The following KCTD1 variants were observed in gnomAD, a reference collection of about 807,000 sequenced individuals.
The protein encoded by KCTD1 is potassium channel tetramerization domain containing 1.
A neutral mutation model predicts 66.0 loss-of-function variants in KCTD1; 24 were observed. The observed-to-expected ratio is 0.36, with a 90% CI of 0.26 to 0.51. KCTD1 has a LOEUF of 0.51. Among genes scored for constraint, KCTD1 ranks in the 20% least tolerant of loss-of-function variants. The pLI, the probability that KCTD1 is intolerant of heterozygous loss-of-function variation, is 0.95. For synonymous variants in KCTD1, 511 were observed against 517.2 expected (o/e 0.99, Z 0.16); for missense variants, 943 against 1,205.2 (o/e 0.78, Z 3.22).
At chr18:26,578,910 G>A (rs1986289737) in intron 1 of KCTD1, among the ~76,000 whole-genome samples, 1 of 152,178 alleles carries the variant, frequency 6.6e-6, no homozygotes, top group South Asian at 2.1e-4. Context: ...TACTTAAGAA[G>A]TGCTCATTAG....
In KCTD1 at chr18:26,547,055, G is replaced by A. The variant is rs1326195457; in HGVS notation, c.1482C>T (p.His494=). ...LNGAARHHSH[H]PPTHPSHHHR... is the part of the protein sequence containing the mutation. The stretch of plus-strand genomic sequence containing the variant: ...GGTGGTGGGAGGGATGGGTGGGGGG[G>A]TGGTGGGAGTGGTGCCGTGCCGCCC... Residue 494 remains histidine, a synonymous_variant, in exon 1 of 5, where the codon CAC becomes CAT. Coordinates refer to ENST00000580059, the MANE Select transcript of KCTD1 (RefSeq NM_001142730.3). 7 of 1,483,780 alleles carry A rather than the reference G, an allele frequency of 4.7e-6. No individual in the cohort carries two copies. The Admixed American group carries it at 8.2e-5, about 17-fold the overall frequency. The allele number at this position is 1,483,780 out of a possible 1,614,324, so 91.9% of individuals were successfully genotyped here. A position where few individuals can be genotyped will look rare whatever the true frequency, so the allele number is the denominator to read the frequency against.
intron 1 of KCTD1, among the ~76,000 whole-genome samples, chr18:26,555,683 C>A (rs1374138467): frequency 6.6e-6 from 1 of 152,102 alleles, no homozygotes; most frequent in Admixed American, 6.5e-5. Context: ...GTCTTAGAGA[C>A]CTCTCTTTGT....
intron 1 of KCTD1, among the ~76,000 whole-genome samples, chr18:26,537,577 T>C (rs960667810): frequency 2.0e-5 from 3 of 152,248 alleles, no homozygotes; most frequent in Non-Finnish European, 2.9e-5. Flanking sequence ...CAACTTTAAG[T>C]GGCATTTCTA....
chr18:26,474,864 T>C (rs931810212), intron 3 of KCTD1, among the ~76,000 whole-genome samples: 18 of 152,372 alleles, frequency 1.2e-4, no homozygotes, highest in Admixed American at 7.8e-4. Flanking sequence ...TTGTATTTTT[T>C]CATAATACTT....
chr18:26,581,210 G>A (rs1986345713), intron 1 of KCTD1: 1 of 152,116 alleles, frequency 6.6e-6, no homozygotes, highest in Admixed American at 6.5e-5. Context: ...ATTCCACTAG[G>A]ATATCAGCTC....
intron 2 of KCTD1, among the ~76,000 whole-genome samples, chr18:26,480,805 T>C (rs1168698831): frequency 2.6e-5 from 4 of 152,140 alleles, no homozygotes; most frequent in Non-Finnish European, 4.4e-5. Flanking sequence ...TACTCTTGTT[T>C]ATAGAGCAAA....
intron 1 of KCTD1, among the ~76,000 whole-genome samples, chr18:26,569,705 C>T (rs878917095): frequency 1.3e-5 from 2 of 152,122 alleles, no homozygotes; most frequent in Admixed American, 1.3e-4. Flanking sequence ...TCCCAGCTCA[C>T]CTCGGGTTAT....
intron 2 of KCTD1, among the ~76,000 whole-genome samples, chr18:26,477,372 G>A (rs1981405043): frequency 6.6e-6 from 1 of 152,296 alleles, no homozygotes; most frequent in Non-Finnish European, 1.5e-5. Context: ...ATTTTGGAAT[G>A]AACATTTGTA....
At chr18:26,548,993 C>CT, upstream of KCTD1, 1 of 985,240 alleles carries the variant, frequency 1.0e-6, no homozygotes, top group Non-Finnish European at 1.2e-6. Context: ...AGCAGTGCCC[C>CT]TTCCACTGCC....
At chr18:26,627,482 T>G (rs1161711852) in intron 1 of KCTD1, among the ~76,000 whole-genome samples, 1 of 152,208 alleles carries the variant, frequency 6.6e-6, no homozygotes, top group Non-Finnish European at 1.5e-5. Context: ...CAACACACAC[T>G]AAAACATCAT....
upstream of KCTD1, chr18:26,657,408 C>G (rs140610287): frequency 1.3e-5 from 13 of 985,582 alleles, no homozygotes; most frequent in East Asian, 1.5e-3. Context: ...TTTTCCTTTT[C>G]CTCTCCCCCC....
At chr18:26,623,750 A>C (rs1310419484) in intron 1 of KCTD1, among the ~76,000 whole-genome samples, 1 of 152,216 alleles carries the variant, frequency 6.6e-6, no homozygotes, top group African/African-American at 2.4e-5. Flanking sequence ...GGATACCTGA[A>C]ATATGAAAGT....
At chr18:26,605,656 T>C (rs1011073284) in intron 1 of KCTD1, among the ~76,000 whole-genome samples, 1 of 152,142 alleles carries the variant, frequency 6.6e-6, no homozygotes, top group African/African-American at 2.4e-5. Context: ...CTACTTGAAC[T>C]TTTTGCTCAA....
intron 1 of KCTD1, among the ~76,000 whole-genome samples, chr18:26,572,246 G>C (rs1986127511): frequency 6.6e-6 from 1 of 152,076 alleles, no homozygotes; most frequent in South Asian, 2.1e-4. Context: ...TTTTAGTAGA[G>C]ACAGGGTTTC....
rs747803262 is a variant in KCTD1, at chr18:26,548,018, C to A, written c.519G>T (p.Arg173=). The A allele has an allele frequency of 1.2e-5, 19 of 1,527,622 alleles. No homozygotes were observed. The highest frequency in any genetic ancestry group is 4.1e-5 in the African/African-American group (3 of 72,946). The allele number at this position is 1,527,622 out of a possible 1,614,324, so 94.6% of individuals were successfully genotyped here. A position where few individuals can be genotyped will look rare whatever the true frequency, so the allele number is the denominator to read the frequency against. The change falls in exon 1 of 5, where the codon CGG becomes CGT. Residue 173 remains arginine (R), a synonymous_variant. Transcript: ENST00000580059. ...TGCGCACGGCGTAGCGGGTGGCCAG[C>A]CGGGTGTTCTCGCTCAGCCGGGCCC... ...PERARLSENT[R]LATRYAVRIF...
intron 1 of KCTD1, among the ~76,000 whole-genome samples, chr18:26,625,929 G>C (rs145772695): frequency 1.3e-5 from 2 of 152,250 alleles, no homozygotes; most frequent in Non-Finnish European, 1.5e-5. Flanking sequence ...AGCATGCAGA[G>C]TGGCCCAAAT....
At chr18:26,624,788 G>C (rs1250420503) in intron 1 of KCTD1, among the ~76,000 whole-genome samples, 1 of 152,208 alleles carries the variant, frequency 6.6e-6, no homozygotes, top group Non-Finnish European at 1.5e-5. Flanking sequence ...ACCTCAGAAT[G>C]GCAGATCTAC....
intron 1 of KCTD1, among the ~76,000 whole-genome samples, chr18:26,532,261 C>CTTTCTTTTTTTTTTTTTTTTTTTT (rs1394278500): frequency 2.4e-4 from 7 of 29,554 alleles, no homozygotes; most frequent in African/African-American, 4.6e-4. Flanking sequence ...TTCTTTCCTT[C>CTTTCTTTTTTTTTTTTTTTTTTTT]TTTTTTTTTT....
chr18:26,493,789 G>T (rs1982329093), intron 2 of KCTD1, among the ~76,000 whole-genome samples: 2 of 151,974 alleles, frequency 1.3e-5, no homozygotes, highest in South Asian at 4.2e-4. Context: ...CAAATACTAG[G>T]TCTTACTCGT....
Sources: gnomAD v4.1 joint callset for allele counts (sites outside exome capture counted in the v4.1 genomes callset) on GRCh38, gnomAD v4.1.1 for gene constraint, MANE v1.5 for transcripts, NCBI Gene and HGNC (gene_info 2026-07-23, HGNC 2026-07-21) for gene names.